Variants in ADAM21 observed in about 807,000 individuals in gnomAD.
ADAM21 encodes disintegrin and metalloproteinase domain-containing protein 21.
For synonymous variants in ADAM21, 262 were observed against 306.0 expected (o/e 0.86, Z 1.50); for missense variants, 678 against 874.4 (o/e 0.78, Z 2.83).
In ADAM21 at chr14:70,459,328, G is replaced by A. The variant is rs766269833; in HGVS notation, c.1829G>A (p.Gly610Asp). ...TCTGACATTGGTGAAGTGAAAGATGGTACTGTGTGTGGCCCAGGAAAGATC... is the reference window on the plus strand; with the variant it reads ...TCTGACATTGGTGAAGTGAAAGATGATACTGTGTGTGGCCCAGGAAAGATC... ...NISDIGEVKD[G>D]TVCGPGKICI... Residue 610 changes from glycine to aspartate, a missense_variant, in exon 2 of 2, where the codon GGT (glycine) becomes GAT (aspartate). Physicochemically the swap from Gly to Asp is moderately conservative, Grantham distance 94 (BLOSUM62 -1). Coordinates refer to ENST00000603540, the MANE Select transcript of ADAM21 (RefSeq NM_003813.4). 1.1e-5 allele frequency: 18 copies of A among 1,614,196 alleles called. No homozygotes were observed. In the South Asian group the frequency reaches 1.8e-4, roughly 16 times the overall value.
intron 1 of ADAM21, chr14:70,453,438 T>A (rs1889066077): frequency 1.3e-5 from 2 of 152,180 alleles, no homozygotes; most frequent in Non-Finnish European, 2.9e-5. Flanking sequence ...AGGACATGGA[T>A]TTACGGTGGT....
At chr14:70,453,418 C>T (rs1889065769) in intron 1 of ADAM21, 1 of 152,158 alleles carries the variant, frequency 6.6e-6, no homozygotes, top group Non-Finnish European at 1.5e-5. Flanking sequence ...TGATAGTCCG[C>T]TGACATTAGA....
chr14:70,454,790 T>A (rs1253191717), intron 1 of ADAM21, among the ~76,000 whole-genome samples: 1 of 152,122 alleles, frequency 6.6e-6, no homozygotes, highest in Non-Finnish European at 1.5e-5. Context: ...TTACTTTAAG[T>A]TGAGGGTAGG....
chr14:70,459,508 G>C lies in ADAM21; in HGVS notation c.2009G>C (p.Ser670Thr). ...PYCQHRGYGG[S>T]IDSGPASAKR... is the part of the protein sequence containing the mutation. ...TGCCAGCACAGAGGCTATGGGGGCA[G>C]TATTGACAGTGGCCCAGCATCTGCA... is the stretch of plus-strand genomic sequence containing the variant. Residue 670 changes from serine to threonine, a missense_variant, in exon 2 of 2, where the codon AGT (serine) becomes ACT (threonine). Transcript: ENST00000603540. 1.2e-6 allele frequency: 2 copies of C among 1,614,226 alleles called. No homozygotes were observed. The highest frequency in any genetic ancestry group is 2.2e-5 in the South Asian group (2 of 91,090).
At chr14:70,453,171 A>G (rs1423116051) in intron 1 of ADAM21, among the ~76,000 whole-genome samples, 1 of 152,144 alleles carries the variant, frequency 6.6e-6, no homozygotes, top group Non-Finnish European at 1.5e-5. Flanking sequence ...TCTTCTAGGG[A>G]TGCCTTCTGA....
At chr14:70,454,509 T>C (rs11850498) in intron 1 of ADAM21, among the ~76,000 whole-genome samples, 8,242 of 152,200 alleles carry the variant, frequency 0.054, 282 homozygotes, top group Middle Eastern at 0.11. Context: ...GACAAGAACA[T>C]TAAGAGAAAT....
At chr14:70,452,686 T>C (rs1432020739) in intron 1 of ADAM21, among the ~76,000 whole-genome samples, 1 of 152,190 alleles carries the variant, frequency 6.6e-6, no homozygotes, top group Non-Finnish European at 1.5e-5. Flanking sequence ...TTTAAAGATA[T>C]GAGTGACTTG....
chr14:70,454,557 G>A (rs531657063), intron 1 of ADAM21, among the ~76,000 whole-genome samples: 1 of 152,228 alleles, frequency 6.6e-6, no homozygotes, highest in East Asian at 1.9e-4. Context: ...GTTTTCTTTG[G>A]GTTTGAGAAA....
chr14:70,455,983 G>A (rs1332557200), intron 1 of ADAM21, among the ~76,000 whole-genome samples: 1 of 152,100 alleles, frequency 6.6e-6, no homozygotes, highest in Non-Finnish European at 1.5e-5. Context: ...ATAGAGGTCT[G>A]TACAGTGAGG....
In ADAM21 at chr14:70,457,849, C is replaced by G. The variant is rs3829452; in HGVS notation, c.350C>G (p.Ala117Gly). ...DDCYYHGYVE[A>G]APESLVVFSA... ...TGTTACTATCATGGTTACGTGGAGG[C>G]AGCCCCTGAGTCTCTGGTTGTGTTC... The change falls in exon 2 of 2, where the codon GCA becomes GGA. Residue 117 changes from alanine to glycine, a missense_variant. Transcript: ENST00000603540. The G allele has an allele frequency of 0.22, 326,540 of 1,501,812 alleles. 40,394 individuals carry two copies. Among genetic ancestry groups the G allele is most frequent in the East Asian group, 0.58 (25,204 of 43,558 alleles). 93.0% of individuals were successfully genotyped at this position (1,501,812 alleles called of 1,614,324 possible).
At chr14:70,457,103 G>A (rs1400907075) in intron 1 of ADAM21, among the ~76,000 whole-genome samples, 1 of 152,010 alleles carries the variant, frequency 6.6e-6, no homozygotes, top group Non-Finnish European at 1.5e-5. Context: ...TTTTTATTAT[G>A]GACATTCCAT....
intron 1 of ADAM21, among the ~76,000 whole-genome samples, chr14:70,454,636 GA>G (rs1294470359): frequency 1.3e-5 from 2 of 152,134 alleles, no homozygotes; most frequent in East Asian, 3.8e-4. Context: ...TAGGATATAT[GA>G]AATTTTTTGT....
chr14:70,456,250 A>C (rs1882403109), intron 1 of ADAM21, among the ~76,000 whole-genome samples: 1 of 152,188 alleles, frequency 6.6e-6, no homozygotes. Context: ...AATTTATTTA[A>C]TGCTCTGTAT....
At chr14:70,456,911 T>A (rs113688211) in intron 1 of ADAM21, among the ~76,000 whole-genome samples, 2 of 152,326 alleles carry the variant, frequency 1.3e-5, no homozygotes, top group East Asian at 1.9e-4. Flanking sequence ...AACTAAAGTA[T>A]ATCATAAGAC....
rs373343899 is a variant in ADAM21, at chr14:70,458,504, T to C, written c.1005T>C (p.Phe335=). 132 of 1,613,648 alleles carry C rather than the reference T, an allele frequency of 8.2e-5. No homozygotes were observed. Among genetic ancestry groups the C allele is most frequent in the Non-Finnish European group, 1.1e-4 (129 of 1,179,944 alleles). The part of the protein sequence containing the change: ...DNFQGDTWSL[F]ANTVAHELGH... ...TTCAAGGAGATACCTGGTCTCTTTT[T>C]GCCAACACTGTGGCCCATGAGTTAG... The change falls in exon 2 of 2, where the codon TTT becomes TTC. Residue 335 remains phenylalanine, a synonymous_variant. Transcript: ENST00000603540.
chr14:70,459,177 T>G lies in ADAM21; in HGVS notation c.1678T>G (p.Cys560Gly). The change falls in exon 2 of 2, where the codon TGT (cysteine) becomes GGT (glycine). Residue 560 changes from cysteine to glycine, a missense_variant. Coordinates refer to ENST00000603540, the MANE Select transcript of ADAM21 (RefSeq NM_003813.4). ...YLKCHISDVFCGRVQCENVRD... is the reference protein window; with the variant it reads ...YLKCHISDVFGGRVQCENVRD... ...AAAATGTCATATCTCTGATGTCTTT[T>G]GTGGGAGAGTTCAATGTGAGAATGT... 1 of 1,613,880 alleles carries G rather than the reference T, an allele frequency of 6.2e-7. No individual in the cohort carries two copies. Among genetic ancestry groups the G allele is most frequent in the Non-Finnish European group, 8.5e-7 (1 of 1,179,910 alleles).
chr14:70,455,506 G>A (rs1391202568), intron 1 of ADAM21, among the ~76,000 whole-genome samples: 4 of 152,038 alleles, frequency 2.6e-5, no homozygotes, highest in Non-Finnish European at 4.4e-5. Flanking sequence ...TAAGAAAGAA[G>A]CTGCAACAAA....
chr14:70,457,717 T>A lies in ADAM21; in HGVS notation c.218T>A (p.Val73Asp). The change falls in exon 2 of 2, where the codon GTT becomes GAT. Residue 73 changes from valine (V) to aspartate (D), a missense_variant. Coordinates refer to ENST00000603540, the MANE Select transcript of ADAM21 (RefSeq NM_003813.4). ...CTGCGGTTTGGGGGCCAGAAACACGTTGTTCATATGAGGGTCAAGAAGCTC... is the reference window on the plus strand; with the variant it reads ...CTGCGGTTTGGGGGCCAGAAACACGATGTTCATATGAGGGTCAAGAAGCTC... ...YSLRFGGQKH[V>D]VHMRVKKLLV... The A allele has an allele frequency of 1.2e-6, 2 of 1,613,778 alleles. No individual in the cohort carries two copies. The highest frequency in any genetic ancestry group is 1.7e-6 in the Non-Finnish European group (2 of 1,179,848).
rs765227865 is a variant in ADAM21, at chr14:70,458,409, A to G, written c.910A>G (p.Ile304Val). 4 of 1,614,200 alleles carry G rather than the reference A, an allele frequency of 2.5e-6. No individual in the cohort carries two copies. The highest frequency in any genetic ancestry group is 1.1e-5 in the South Asian group (1 of 91,082). ...ACATATGTTCATAAAAAATTCACTT[A>G]TAAGTATACTTGGCCTAGCCTATGT... ...AAHMFIKNSLISILGLAYVAG... is the reference protein window; with the variant it reads ...AAHMFIKNSLVSILGLAYVAG... Residue 304 changes from isoleucine to valine, a missense_variant, in exon 2 of 2, where the codon ATA (isoleucine) becomes GTA (valine). Physicochemically the swap from Ile to Val is conservative, Grantham distance 29 (BLOSUM62 3). Transcript: ENST00000603540.
Sources: gnomAD v4.1 joint callset for allele counts (sites outside exome capture counted in the v4.1 genomes callset) on GRCh38, gnomAD v4.1.1 for gene constraint, MANE v1.5 for transcripts, NCBI Gene and HGNC (gene_info 2026-07-23, HGNC 2026-07-21) for gene names.